The following ELL2 variants were observed in gnomAD, a reference collection of about 807,000 sequenced individuals.
ELL2 encodes RNA polymerase II elongation factor ELL2.
Under a neutral mutation model 72.8 loss-of-function variants are expected in ELL2, and 21 were observed. The observed-to-expected ratio is 0.29, with a 90% confidence interval of 0.20 to 0.42. The LOEUF (loss-of-function observed/expected upper bound fraction) is 0.42, where lower values mean the gene tolerates loss of function less well. Ranked by LOEUF, ELL2 falls within the 10% of genes least tolerant of loss-of-function variation. The pLI is 1.00. For missense variants in ELL2, 568 were observed against 772.8 expected, an observed-to-expected ratio of 0.73 and a Z score of 3.14; for synonymous variants, 266 against 283.2, an observed-to-expected ratio of 0.94 and a Z score of 0.61.
chr5:95,944,672 G>A (rs1240918761), intron 1 of ELL2, among the ~76,000 whole-genome samples: 9 of 152,188 alleles, frequency 5.9e-5, no homozygotes, highest in Non-Finnish European at 1.3e-4. Flanking sequence ...GAAGAGTAAG[G>A]TGGCCCTACA....
intron 2 of ELL2, among the ~76,000 whole-genome samples, chr5:95,924,204 T>C (rs1750204153): frequency 6.6e-6 from 1 of 152,226 alleles, no homozygotes; most frequent in Non-Finnish European, 1.5e-5. Flanking sequence ...CCCTCTGATA[T>C]GCAGGAGCCT....
chr5:95,920,714 G>A (rs1750032412), intron 2 of ELL2, among the ~76,000 whole-genome samples: 1 of 152,100 alleles, frequency 6.6e-6, no homozygotes, highest in African/African-American at 2.4e-5. Context: ...CCTAGTGTCT[G>A]AAACCTTTCC....
chr5:95,952,331 G>A (rs1751444622), intron 1 of ELL2, among the ~76,000 whole-genome samples: 1 of 151,974 alleles, frequency 6.6e-6, no homozygotes, highest in Admixed American at 6.6e-5. Flanking sequence ...GGAGGGTGAG[G>A]ATCAAAAAAC....
chr5:95,953,011 A>G (rs1203285912), intron 1 of ELL2, among the ~76,000 whole-genome samples: 3 of 152,218 alleles, frequency 2.0e-5, no homozygotes, highest in Admixed American at 2.0e-4. Flanking sequence ...GTCTGGTAAG[A>G]TGGAAACAAA....
intron 2 of ELL2, among the ~76,000 whole-genome samples, chr5:95,938,155 C>T (rs1203731357): frequency 2.6e-5 from 4 of 152,054 alleles, no homozygotes; most frequent in Non-Finnish European, 5.9e-5. Flanking sequence ...GATAAAAAAA[C>T]GAGAAGAAAA....
chr5:95,926,342 G>A (rs1750280308), intron 2 of ELL2, among the ~76,000 whole-genome samples: 1 of 152,264 alleles, frequency 6.6e-6, no homozygotes, highest in Non-Finnish European at 1.5e-5. Context: ...AGAGGGTAGA[G>A]AGGATCCAAC....
intron 2 of ELL2, among the ~76,000 whole-genome samples, chr5:95,929,680 T>TA (rs1426072961): frequency 2.6e-5 from 4 of 151,756 alleles, no homozygotes; most frequent in African/African-American, 7.3e-5. Flanking sequence ...TCAGGGATAC[T>TA]AAAAAATTAT....
At position 95,900,773 on chromosome 5, in the gene ELL2, T is replaced by A. The variant is rs1464562523; in HGVS notation, c.874A>T (p.Asn292Tyr). 1 of 1,606,674 alleles carries A rather than the reference T, an allele frequency of 6.2e-7. No individual in the cohort carries two copies. The highest frequency in any genetic ancestry group is 2.2e-5 in the East Asian group (1 of 44,832). The change falls in exon 7 of 12, where the codon AAT (asparagine) becomes TAT (tyrosine). Residue 292 changes from asparagine to tyrosine, a missense_variant. Asn to Tyr is a moderately radical substitution (Grantham distance 143). This residue lies in a region of ELL2 where 511 missense variants were observed against 728.4 expected (regional missense o/e 0.70). Coordinates refer to ENST00000237853, the MANE Select transcript of ELL2 (RefSeq NM_012081.6). ...GTGCCTGCAGCATTCTGAGACGGATTTAGTTTTCTGTAAAGGACACACATG... is the reference window on the plus strand; with the variant it reads ...GTGCCTGCAGCATTCTGAGACGGATATAGTTTTCTGTAAAGGACACACATG... ...SLESVLSRKL[N>Y]PSQNAAGTSR...
chr5:95,911,913 C>T (rs951071611), intron 4 of ELL2, among the ~76,000 whole-genome samples: 10 of 152,090 alleles, frequency 6.6e-5, no homozygotes, highest in Non-Finnish European at 1.3e-4. Flanking sequence ...ACAGAGTGCC[C>T]GGATTGGCCG....
chr5:95,949,126 T>C (rs534518146), intron 1 of ELL2, among the ~76,000 whole-genome samples: 2 of 152,326 alleles, frequency 1.3e-5, no homozygotes, highest in South Asian at 2.1e-4. Context: ...GTACACTTAT[T>C]TCCAGGGACT....
rs1561495005 is a variant in ELL2 at position 95,907,298 on chromosome 5, T to TA, written c.482-517_482-516insT. ...TAGTGATATATATATATATATATAT[T>TA]TTTTTTTTTTACAGGCCAAGACAAA... On this transcript the variant is annotated intron_variant, in intron 4 of 11. Transcript: ENST00000237853. 8.7e-4 allele frequency among the ~76,000 whole-genome samples: 90 copies of TA among 103,484 alleles called. 3 individuals are homozygous for TA. The highest frequency in any genetic ancestry group is 2.6e-3 in the East Asian group (4 of 1,514). The allele number at this position is 103,484 out of a possible 152,430, so 67.9% of individuals were successfully genotyped here.
intron 1 of ELL2, among the ~76,000 whole-genome samples, chr5:95,960,629 C>T (rs1019122091): frequency 7.2e-5 from 11 of 152,028 alleles, no homozygotes; most frequent in African/African-American, 2.2e-4. Context: ...GGCTCTGGCT[C>T]GTTCCCCGTT....
intron 4 of ELL2, among the ~76,000 whole-genome samples, chr5:95,910,400 G>A (rs1158767178): frequency 6.6e-6 from 1 of 151,914 alleles, no homozygotes; most frequent in Non-Finnish European, 1.5e-5. Flanking sequence ...TTAGGTAGAA[G>A]TCAGTGAGCA....
intron 8 of ELL2, among the ~76,000 whole-genome samples, chr5:95,896,269 C>A (rs1165880445): frequency 7.1e-6 from 1 of 141,768 alleles, no homozygotes; most frequent in Non-Finnish European, 1.5e-5. Context: ...GCACTCATAA[C>A]ACTAAACAGA....
In ELL2 at chr5:95,887,955, C is replaced by T. The variant is rs1322900434; in HGVS notation, c.*916G>A. On this transcript the variant is annotated 3_prime_UTR_variant, in exon 12 of 12. Transcript: ENST00000237853. ...ATGGAAATGCTTTTGTCTTCCACAA[C>T]AAAAGTAGCAATTTGATAGAAGAAA... 1 of 152,272 alleles carries T rather than the reference C, an allele frequency of 6.6e-6. No homozygotes were observed. Among genetic ancestry groups the T allele is most frequent in the Non-Finnish European group, 1.5e-5 (1 of 68,006 alleles). 9.4% of individuals were successfully genotyped at this position (152,272 alleles called of 1,614,324 possible).
rs546198083 is a variant in ELL2, at chr5:95,886,764, T to C, written c.*2107A>G. 1.1e-4 allele frequency: 17 copies of C among 152,164 alleles called. No individual in the cohort carries two copies. The South Asian group carries it at 3.5e-3, about 32-fold the overall frequency. 9.4% of individuals were successfully genotyped at this position (152,164 alleles called of 1,614,324 possible). On this transcript the variant is annotated 3_prime_UTR_variant, in exon 12 of 12. Coordinates refer to ENST00000237853, the MANE Select transcript of ELL2 (RefSeq NM_012081.6). ...AAGCCAATGGTTCTCATACTTTAGCTTGCAGAAAGTCACCTACAAGAAACC... is the reference window on the plus strand; with the variant it reads ...AAGCCAATGGTTCTCATACTTTAGCCTGCAGAAAGTCACCTACAAGAAACC...
chr5:95,907,336 T>A (rs1455437629), intron 4 of ELL2, among the ~76,000 whole-genome samples: 1 of 137,068 alleles, frequency 7.3e-6, no homozygotes, highest in African/African-American at 2.8e-5. Context: ...TTAGGATTCA[T>A]AAAACAAAAC....
chr5:95,931,140 T>C (rs146604146), intron 2 of ELL2, among the ~76,000 whole-genome samples: 1 of 151,856 alleles, frequency 6.6e-6, no homozygotes, highest in Non-Finnish European at 1.5e-5. Context: ...TGCTAGATCA[T>C]TGGGTCTGGA....
intron 7 of ELL2, among the ~76,000 whole-genome samples, chr5:95,899,874 C>T (rs1009526381): frequency 6.6e-6 from 1 of 151,982 alleles, no homozygotes; most frequent in Non-Finnish European, 1.5e-5. Flanking sequence ...TTTTGTTCCC[C>T]CTCTGTTCCT....
Sources: gnomAD v4.1 joint callset for allele counts (sites outside exome capture counted in the v4.1 genomes callset) on GRCh38, gnomAD v4.1.1 for gene constraint, gnomAD v4.1.1 regional missense constraint, MANE v1.5 for transcripts, NCBI Gene and HGNC (gene_info 2026-07-23, HGNC 2026-07-21) for gene names.